PHC2: variants seen among roughly 807,000 people sequenced by gnomAD.
PHC2 encodes polyhomeotic homolog 2.
In PHC2, 29 loss-of-function variants were observed where a neutral mutation model predicts 87.4. The observed-to-expected ratio is 0.33, with a 90% confidence interval of 0.25 to 0.45. The LOEUF (loss-of-function observed/expected upper bound fraction) is 0.45, where lower values mean the gene tolerates loss of function less well. PHC2 is among the 20% of genes least tolerant of loss of function. PHC2 has a pLI of 1.00. For missense variants in PHC2, 857 were observed against 1,136.7 expected (o/e 0.75, Z 3.54); for synonymous variants, 438 against 461.7 (o/e 0.95, Z 0.66).
chr1:33,399,452 T>C (rs1343039142), intron 1 of PHC2, among the ~76,000 whole-genome samples: 1 of 152,218 alleles, frequency 6.6e-6, no homozygotes, highest in Non-Finnish European at 1.5e-5. Context: ...TCCAAGTTCT[T>C]GGCTCCACGT....
intron 9 of PHC2, among the ~76,000 whole-genome samples, chr1:33,351,192 G>T (rs1175832735): frequency 1.3e-5 from 2 of 152,222 alleles, no homozygotes; most frequent in South Asian, 4.1e-4. Flanking sequence ...TGTACGTGAA[G>T]GAGTGTGGTT....
intron 2 of PHC2, 63 bp from the exon 3 acceptor site, chr1:33,372,510 A>T (rs1396211112): frequency 7.1e-7 from 1 of 1,402,110 alleles, no homozygotes; most frequent in Non-Finnish European, 9.4e-7. Flanking sequence ...CCCCTTTGGC[A>T]GTAATGCCTT....
rs1451685940 is a variant in PHC2, at chr1:33,332,096, G to A, written c.1891+179C>T. Among the ~76,000 whole-genome samples the A allele has an allele frequency of 1.3e-5, 2 of 152,222 alleles. No individual in the cohort carries two copies. The highest frequency in any genetic ancestry group is 4.8e-5 in the African/African-American group (2 of 41,456). On this transcript the variant is annotated intron_variant, in intron 11 of 14. Coordinates refer to ENST00000683057, the MANE Select transcript of PHC2 (RefSeq NM_001385109.1). The surrounding 1 kb of genome is among the most constrained non-coding windows in gnomAD (Gnocchi z 4.2). ...GGATTGGGGGAGCAGAGGACACATG[G>A]TTCCCGTGATTTCCCCTATCCCTCT...
chr1:33,338,311 GA>G (rs1465462103), intron 9 of PHC2, among the ~76,000 whole-genome samples: 5 of 152,216 alleles, frequency 3.3e-5, no homozygotes, highest in Non-Finnish European at 7.3e-5. Context: ...ATCTTGTTAA[GA>G]GAGAGAACAC....
chr1:33,395,373 T>C (rs933749811), intron 1 of PHC2, among the ~76,000 whole-genome samples: 4 of 152,178 alleles, frequency 2.6e-5, no homozygotes, highest in Admixed American at 1.3e-4. Context: ...TATCAATGCA[T>C]GCCTCTGTCA....
At chr1:33,386,878 T>C (rs1377020201) in intron 1 of PHC2, among the ~76,000 whole-genome samples, 2 of 151,730 alleles carry the variant, frequency 1.3e-5, no homozygotes, top group African/African-American at 4.8e-5. Flanking sequence ...CACATGTGCA[T>C]GTGCACATAC....
chr1:33,357,008 G>A (rs1040518399), intron 7 of PHC2, among the ~76,000 whole-genome samples: 1 of 152,208 alleles, frequency 6.6e-6, no homozygotes, highest in East Asian at 1.9e-4. Flanking sequence ...TTTGGAGTAG[G>A]GATTCAGGAA....
chr1:33,426,117 T>C (rs1308419091), intron 1 of PHC2, among the ~76,000 whole-genome samples: 1 of 152,198 alleles, frequency 6.6e-6, no homozygotes, highest in Non-Finnish European at 1.5e-5. Flanking sequence ...ACCATAACCA[T>C]GAAACCCAGA....
At chr1:33,423,679 T>C (rs1650545703) in intron 1 of PHC2, among the ~76,000 whole-genome samples, 1 of 152,250 alleles carries the variant, frequency 6.6e-6, no homozygotes, top group Non-Finnish European at 1.5e-5. Flanking sequence ...CACATTACCC[T>C]ATACTAAAAA....
rs1173066380 is a variant in PHC2, at chr1:33,324,281, T to G, written c.*584A>C. 1.3e-5 allele frequency: 2 copies of G among 152,848 alleles called. No homozygotes were observed. The highest frequency in any genetic ancestry group is 2.9e-5 in the Non-Finnish European group (2 of 68,252). The allele number at this position is 152,848 out of a possible 1,614,324, so 9.5% of individuals were successfully genotyped here. Reference sequence around the variant, plus strand: ...TCCAGGCTCCCACACAGTCACACAGTCATACACACAGCGTTAAGGCGTCTG... The same window carrying G: ...TCCAGGCTCCCACACAGTCACACAGGCATACACACAGCGTTAAGGCGTCTG... On this transcript the variant is annotated 3_prime_UTR_variant, in exon 15 of 15. Transcript: ENST00000683057.
At chr1:33,360,114 C>T (rs1647166930) in intron 7 of PHC2, among the ~76,000 whole-genome samples, 1 of 152,206 alleles carries the variant, frequency 6.6e-6, no homozygotes, top group Non-Finnish European at 1.5e-5. Context: ...GATGCATTCC[C>T]TTGGCATGGG....
chr1:33,335,975 T>TTTGTTGTTGTTGTTG (rs112382571), intron 9 of PHC2, among the ~76,000 whole-genome samples: 1 of 149,238 alleles, frequency 6.7e-6, no homozygotes, highest in African/African-American at 2.5e-5. Context: ...AGCTCATGTT[T>TTTGTTGTTGTTGTTG]TTGTTGTTGT....
At chr1:33,371,257 T>G (rs1647814811) in intron 3 of PHC2, among the ~76,000 whole-genome samples, 163 bp from the exon 4 acceptor site, 1 of 152,106 alleles carries the variant, frequency 6.6e-6, no homozygotes, top group Admixed American at 6.5e-5. Context: ...GTATCCCGCC[T>G]CCTCTGTGAA....
chr1:33,349,853 C>A lies in PHC2; in HGVS notation c.1558+4548G>T, dbSNP rs1646929939. 1.0e-6 allele frequency: 1 copy of A among 977,094 alleles called. No individual in the cohort carries two copies. Among genetic ancestry groups the A allele is most frequent in the Admixed American group, 6.4e-5 (1 of 15,642 alleles). 60.5% of individuals were successfully genotyped at this position (977,094 alleles called of 1,614,324 possible). A position where few individuals can be genotyped will look rare whatever the true frequency, so the allele number is the denominator to read the frequency against. On this transcript the variant is annotated intron_variant, in intron 9 of 14. Coordinates refer to ENST00000683057, the MANE Select transcript of PHC2 (RefSeq NM_001385109.1). The surrounding 1 kb of genome is among the most constrained non-coding windows in gnomAD (Gnocchi z 4.2). ...CGGGCGGCGGCCGGGGTTGCGCGCG[C>A]GCGCGCGGCGGGCGCTCGAGGGCTG...
intron 14 of PHC2, among the ~76,000 whole-genome samples, chr1:33,327,733 G>C (rs1431724191): frequency 6.6e-6 from 1 of 152,174 alleles, no homozygotes; most frequent in Non-Finnish European, 1.5e-5. Flanking sequence ...CAGCCCTCTG[G>C]AGAGGCCCAT....
intron 7 of PHC2, among the ~76,000 whole-genome samples, chr1:33,361,435 G>T (rs1294388942): frequency 6.6e-6 from 1 of 152,146 alleles, no homozygotes; most frequent in East Asian, 1.9e-4. Flanking sequence ...CCGCCTCCTC[G>T]GTTCAAGCAA....
intron 1 of PHC2, among the ~76,000 whole-genome samples, chr1:33,392,243 T>C (rs1230662612): frequency 1.3e-5 from 2 of 152,204 alleles, no homozygotes; most frequent in African/African-American, 4.8e-5. Context: ...TTCATCCACC[T>C]GTCTAGTCTG....
intron 1 of PHC2, among the ~76,000 whole-genome samples, chr1:33,409,864 A>C (rs1244335330): frequency 2.0e-5 from 3 of 152,246 alleles, no homozygotes; most frequent in Non-Finnish European, 2.9e-5. Context: ...AAAACGTGAT[A>C]GTTTTCTACC....
intron 1 of PHC2, among the ~76,000 whole-genome samples, chr1:33,415,584 T>C (rs1238233526): frequency 3.3e-5 from 5 of 152,066 alleles, no homozygotes; most frequent in African/African-American, 1.2e-4. Context: ...TCATCAAGAA[T>C]ATAAAGTTAA....
Sources: allele counts gnomAD v4.1 joint callset (sites outside exome capture counted in the v4.1 genomes callset), GRCh38; gene constraint gnomAD v4.1.1; non-coding constraint Gnocchi (gnomAD v3.1); transcripts MANE v1.5; gene names NCBI Gene and HGNC (gene_info 2026-07-23, HGNC 2026-07-21).